The following PARD3 variants were observed in gnomAD, a reference collection of about 807,000 sequenced individuals.
The protein encoded by PARD3 is par-3 family cell polarity regulator.
In PARD3, 75 loss-of-function variants were observed where a neutral mutation model predicts 155.4. The observed-to-expected ratio is 0.48, with a 90% CI of 0.40 to 0.58. PARD3 has a LOEUF of 0.58. Among genes scored for constraint, PARD3 ranks in the 20% least tolerant of loss-of-function variants. The pLI, the probability that PARD3 is intolerant of heterozygous loss-of-function variation, is 0.00. For synonymous variants in PARD3, 576 were observed against 610.5 expected (o/e 0.94, Z 0.83); for missense variants, 1,642 against 1,721.7 (o/e 0.95, Z 0.82).
chr10:34,677,467 T>C (rs566751833), intron 2 of PARD3, among the ~76,000 whole-genome samples: 1 of 149,042 alleles, frequency 6.7e-6, no homozygotes, highest in South Asian at 2.1e-4. Flanking sequence ...GCAACAGATC[T>C]AGACTCTGTC....
At chr10:34,761,256 C>T (rs992589292) in intron 1 of PARD3, among the ~76,000 whole-genome samples, 1 of 151,770 alleles carries the variant, frequency 6.6e-6, no homozygotes, top group Non-Finnish European at 1.5e-5. Flanking sequence ...ACTAAAAATA[C>T]AAAAATTAGC....
chr10:34,636,007 CT>C (rs1263931772), intron 2 of PARD3, among the ~76,000 whole-genome samples: 2 of 147,860 alleles, frequency 1.4e-5, no homozygotes, highest in Non-Finnish European at 3.0e-5. Flanking sequence ...TCTTAAGTAA[CT>C]TTTCTTCTAT....
chr10:34,602,461 G>C (rs970595150), intron 2 of PARD3, among the ~76,000 whole-genome samples: 4 of 152,146 alleles, frequency 2.6e-5, no homozygotes, highest in Middle Eastern at 3.2e-3. Context: ...AATAATCCAT[G>C]CTGGATGTCA....
intron 1 of PARD3, among the ~76,000 whole-genome samples, chr10:34,787,557 T>G (rs1841128005): frequency 1.3e-5 from 2 of 152,116 alleles, no homozygotes; most frequent in Admixed American, 6.5e-5. Context: ...TGCAGAGCAT[T>G]TGAGCAGCAG....
At position 34,623,688 on chromosome 10, in the gene PARD3, T is replaced by C. The variant is rs971439142; in HGVS notation, c.222+72630A>G. ...CACTCCAGACAGACCTGTTTAACAA[T>C]GTCAGTGCAGGGCCAGGTGCAGGGG... On this transcript the variant is annotated intron_variant, in intron 2 of 24. Transcript: ENST00000374788. Among the ~76,000 whole-genome samples, 4 of 152,096 alleles carry C rather than the reference T, an allele frequency of 2.6e-5. No homozygotes were observed. The South Asian group carries it at 6.2e-4, about 24-fold the overall frequency.
intron 22 of PARD3, among the ~76,000 whole-genome samples, chr10:34,157,649 T>C (rs561957954): frequency 1.3e-5 from 2 of 152,332 alleles, no homozygotes; most frequent in African/African-American, 2.4e-5. Flanking sequence ...GTTTTGTGTG[T>C]GATTCTTCTA....
intron 1 of PARD3, among the ~76,000 whole-genome samples, chr10:34,799,003 T>C (rs146528305): frequency 6.1e-4 from 93 of 152,308 alleles, no homozygotes; most frequent in Non-Finnish European, 8.8e-4. Context: ...TTGGTTTATA[T>C]GGAGCTTAGG....
chr10:34,599,936 C>G (rs905812976), intron 2 of PARD3, among the ~76,000 whole-genome samples: 1 of 152,114 alleles, frequency 6.6e-6, no homozygotes, highest in Non-Finnish European at 1.5e-5. Flanking sequence ...ATTTGTCAAA[C>G]TGGAACCTTT....
At chr10:34,374,848 CT>C in intron 11 of PARD3, 25 bp downstream of exon 11, 1 of 1,609,200 alleles carries the variant, frequency 6.2e-7, no homozygotes, top group Non-Finnish European at 8.5e-7. Flanking sequence ...TATCAGAAAT[CT>C]TTCATCTACT....
In PARD3 at chr10:34,811,001, C is replaced by T. The variant is rs533927079; in HGVS notation, c.120+3875G>A. ...CCAAACCCAATCCAAAGCTCCCCTA[C>T]AGGCTGAGAGGAGAGCTATGAGGGA... On this transcript the variant is annotated intron_variant, in intron 1 of 24. Coordinates refer to ENST00000374788, the MANE Select transcript of PARD3 (RefSeq NM_001184785.2). 8.5e-5 allele frequency among the ~76,000 whole-genome samples: 13 copies of T among 152,302 alleles called. No homozygotes were observed. The East Asian group carries it at 2.5e-3, about 29-fold the overall frequency.
rs74131652 is a variant in PARD3, at chr10:34,236,177, G to C, written c.3419+33480C>G. Among the ~76,000 whole-genome samples, 624 of 152,234 alleles carry C rather than the reference G, an allele frequency of 4.1e-3. 3 individuals carry two copies. The highest frequency in any genetic ancestry group is 0.014 in the African/African-American group (587 of 41,512). On this transcript the variant is annotated intron_variant, in intron 22 of 24. Transcript: ENST00000374788. ...TATGATCTAAGGAAATGGGGAGAGA[G>C]AGCACTTACTGGAGAGATGATGACT...
At chr10:34,523,690 G>A (rs1462047749) in intron 2 of PARD3, among the ~76,000 whole-genome samples, 1 of 152,080 alleles carries the variant, frequency 6.6e-6, no homozygotes, top group African/African-American at 2.4e-5. Context: ...GAAGAGAATA[G>A]AAAGAAAATT....
chr10:34,488,047 G>A (rs1036067355), intron 3 of PARD3, among the ~76,000 whole-genome samples: 14 of 151,998 alleles, frequency 9.2e-5, no homozygotes, highest in Non-Finnish European at 1.5e-4. Context: ...ATATAAAAGC[G>A]TAATCTTTTT....
chr10:34,242,063 G>A (rs967925031), intron 22 of PARD3, among the ~76,000 whole-genome samples: 5 of 152,088 alleles, frequency 3.3e-5, no homozygotes, highest in African/African-American at 9.7e-5. Context: ...AGCTGGCATG[G>A]TCAAGTATAC....
At chr10:34,612,556 C>T (rs1315710118) in intron 2 of PARD3, among the ~76,000 whole-genome samples, 3 of 152,206 alleles carry the variant, frequency 2.0e-5, no homozygotes, top group Non-Finnish European at 2.9e-5. Context: ...ATGCACAGTC[C>T]TAGCTCAGCT....
rs75916131 is a variant in PARD3, at chr10:34,763,439, T to C, written c.120+51437A>G. Among the ~76,000 whole-genome samples, 5 of 152,292 alleles carry C rather than the reference T, an allele frequency of 3.3e-5. No individual in the cohort carries two copies. The East Asian group carries it at 7.7e-4, about 23-fold the overall frequency. On this transcript the variant is annotated intron_variant, in intron 1 of 24. Transcript: ENST00000374788. Reference sequence around the variant, plus strand: ...ACCTGCATCAGCTTGCCAACCTGTGTCCTCTGGGGGAAGGTGGGAGAAAGA... The same window carrying C: ...ACCTGCATCAGCTTGCCAACCTGTGCCCTCTGGGGGAAGGTGGGAGAAAGA...
Position 34,535,120 on chromosome 10 carries a change from A to C in PARD3, c.223-17961T>G, listed in dbSNP as rs538627856. 5.3e-5 allele frequency among the ~76,000 whole-genome samples: 8 copies of C among 152,362 alleles called. No individual in the cohort carries two copies. The South Asian group carries it at 1.7e-3, about 32-fold the overall frequency. ...AGTGCAACAAAAAAATTATGTAACA[A>C]TCTACATAAAACTCTGTATAAGTAG... On this transcript the variant is annotated intron_variant, in intron 2 of 24. Transcript: ENST00000374788.
At chr10:34,814,806 G>A (rs896948814) in intron 1 of PARD3, 70 bp downstream of exon 1, 193 of 1,267,926 alleles carry the variant, frequency 1.5e-4, no homozygotes, top group Non-Finnish European at 1.9e-4. Flanking sequence ...CCCCTTCCAG[G>A]AAGCGCCATA....
intron 1 of PARD3, among the ~76,000 whole-genome samples, chr10:34,701,249 G>T (rs2094270436): frequency 6.6e-6 from 1 of 152,052 alleles, no homozygotes; most frequent in Non-Finnish European, 1.5e-5. Flanking sequence ...AGATAAAAAT[G>T]AAAGGGTAAA....
Sources: gnomAD v4.1 joint callset for allele counts (sites outside exome capture counted in the v4.1 genomes callset) on GRCh38, gnomAD v4.1.1 for gene constraint, MANE v1.5 for transcripts, NCBI Gene and HGNC (gene_info 2026-07-23, HGNC 2026-07-21) for gene names.